Variants in FAM114A2 observed in about 807,000 individuals in gnomAD.
FAM114A2 encodes protein FAM114A2.
Under a neutral mutation model 58.4 loss-of-function variants are expected in FAM114A2, and 53 were observed. The ratio of observed to expected loss-of-function variants is 0.91; its 90% CI spans 0.73 to 1.14. FAM114A2 has a LOEUF of 1.14. Among genes scored for constraint, FAM114A2 ranks in the 50% most tolerant of loss-of-function variants. The pLI, the probability that FAM114A2 is intolerant of heterozygous loss-of-function variation, is 0.00. For missense variants in FAM114A2, 601 were observed against 581.1 expected, an observed-to-expected ratio of 1.03 and a Z score of -0.35; for synonymous variants, 228 against 211.4, an observed-to-expected ratio of 1.08 and a Z score of -0.68.
Position 153,997,819 on chromosome 5 carries a change from C to T in FAM114A2, c.1313G>A (p.Cys438Tyr). 6.3e-7 allele frequency: 1 copy of T among 1,588,628 alleles called. No homozygotes were observed. The highest frequency in any genetic ancestry group is 8.6e-7 in the Non-Finnish European group (1 of 1,157,064). ...LSSLSKEFTT[C>Y]LTTAGVKEMA... ...GATTCTTACCCCAGCAGTTGTTAGG[C>T]AGGTAGTGAACTCTTTAGACAGAGA... is the stretch of plus-strand genomic sequence containing the variant. Residue 438 changes from cysteine to tyrosine, a missense_variant, in exon 12 of 14, where the codon TGC (cysteine) becomes TAC (tyrosine). Cys to Tyr is a radical substitution (Grantham distance 194). Transcript: ENST00000351797.
In FAM114A2 at chr5:154,027,217, G is replaced by T. The variant is rs2113453955; in HGVS notation, c.748C>A (p.Leu250Ile). Reference sequence around the variant, plus strand: ...TGGGAAAGCATCTCCAGAGCTTCTAGATGTGAAAGGCCTTGAAATTCATCA... The same window carrying T: ...TGGGAAAGCATCTCCAGAGCTTCTATATGTGAAAGGCCTTGAAATTCATCA... ...LFDEFQGLSH[L>I]EALEMLSQES... is the part of the protein sequence containing the mutation. Residue 250 changes from leucine (L) to isoleucine (I), a missense_variant, in exon 7 of 14, where the codon CTA becomes ATA. Transcript: ENST00000351797. 2 of 1,613,438 alleles carry T rather than the reference G, an allele frequency of 1.2e-6. No homozygotes were observed. The highest frequency in any genetic ancestry group is 4.5e-5 in the East Asian group (2 of 44,852).
chr5:153,999,432 T>G (rs972092882), intron 11 of FAM114A2, among the ~76,000 whole-genome samples: 4 of 152,128 alleles, frequency 2.6e-5, no homozygotes, highest in African/African-American at 9.7e-5. Flanking sequence ...GGTCAGGAGT[T>G]TGAGACCAGC....
intron 11 of FAM114A2, among the ~76,000 whole-genome samples, chr5:154,000,078 T>C (rs942715015): frequency 2.0e-5 from 3 of 151,908 alleles, no homozygotes; most frequent in Non-Finnish European, 4.4e-5. Context: ...CGAGGTTAAG[T>C]GAAATAAGCC....
intron 4 of FAM114A2, among the ~76,000 whole-genome samples, chr5:154,030,376 C>CTTCCAGCA (rs1561575146): frequency 6.6e-6 from 1 of 152,218 alleles, no homozygotes; most frequent in East Asian, 1.9e-4. Flanking sequence ...AGGACTTCCA[C>CTTCCAGCA]TTCTAGCATG....
At chr5:153,994,367 C>A (rs899571881) in intron 13 of FAM114A2, among the ~76,000 whole-genome samples, 1 of 152,084 alleles carries the variant, frequency 6.6e-6, no homozygotes, top group Non-Finnish European at 1.5e-5. Flanking sequence ...AACATGGAAT[C>A]CAGAAAACAT....
At chr5:154,003,177 G>GCTTTTTTTTTTTTTTT (rs369892098) in intron 9 of FAM114A2, among the ~76,000 whole-genome samples, 3 of 134,882 alleles carry the variant, frequency 2.2e-5, no homozygotes, top group African/African-American at 2.7e-5. Context: ...CTAATTGGTA[G>GCTTTTTTTTTTTTTTT]TATTTTTTTT....
intron 8 of FAM114A2, among the ~76,000 whole-genome samples, chr5:154,011,928 A>G (rs1486533201): frequency 2.0e-5 from 3 of 152,204 alleles, no homozygotes; most frequent in African/African-American, 7.2e-5. Flanking sequence ...TAAGATCCAG[A>G]TAATAAAGGC....
chr5:154,014,116 C>CT (rs1239576384), intron 8 of FAM114A2, among the ~76,000 whole-genome samples: 1 of 152,172 alleles, frequency 6.6e-6, no homozygotes, highest in Non-Finnish European at 1.5e-5. Context: ...CTCAAGGCAG[C>CT]TTTAGAAACT....
chr5:154,013,747 G>A (rs1770847845), intron 8 of FAM114A2, among the ~76,000 whole-genome samples: 1 of 152,148 alleles, frequency 6.6e-6, no homozygotes, highest in Admixed American at 6.5e-5. Context: ...GGCTTGATTA[G>A]GAAATTAGGA....
intron 8 of FAM114A2, among the ~76,000 whole-genome samples, chr5:154,013,638 G>C (rs1770840985): frequency 6.6e-6 from 1 of 152,172 alleles, no homozygotes; most frequent in Admixed American, 6.5e-5. Context: ...TGAGATTTCT[G>C]ATTACTATGC....
chr5:154,031,620 T>C (rs1366664267), intron 4 of FAM114A2, among the ~76,000 whole-genome samples: 2 of 152,190 alleles, frequency 1.3e-5, no homozygotes, highest in African/African-American at 4.8e-5. Context: ...AAACTCTTTA[T>C]TAAACTAAAA....
At chr5:154,023,093 A>G (rs757314867) in intron 8 of FAM114A2, among the ~76,000 whole-genome samples, 3 of 151,910 alleles carry the variant, frequency 2.0e-5, no homozygotes, top group Non-Finnish European at 4.4e-5. Context: ...CAATGAGAAC[A>G]CTTGGACACA....
At position 154,026,540 on chromosome 5, in the gene FAM114A2, C is replaced by A. The variant is rs772605108; in HGVS notation, c.790-18G>T. On this transcript the variant is annotated intron_variant, in intron 7 of 13. Coordinates refer to ENST00000351797, the MANE Select transcript of FAM114A2 (RefSeq NM_018691.4). ...GATTTCACCTGAATGGATACAAGAA[C>A]AAAATGTTGTAGGAGTATGAAAGAA... 1 of 1,450,648 alleles carries A rather than the reference C, an allele frequency of 6.9e-7. No homozygotes were observed. The highest frequency in any genetic ancestry group is 9.1e-7 in the Non-Finnish European group (1 of 1,095,432). The allele number at this position is 1,450,648 out of a possible 1,614,324, so 89.9% of individuals were successfully genotyped here.
chr5:154,026,883 A>C, intron 7 of FAM114A2, among the ~76,000 whole-genome samples: 1 of 148,690 alleles, frequency 6.7e-6, no homozygotes, highest in Non-Finnish European at 1.5e-5. Flanking sequence ...AAAGAAACTA[A>C]AAAAAAAAAA....
At chr5:154,010,613 A>G (rs1770628102) in intron 9 of FAM114A2, among the ~76,000 whole-genome samples, 1 of 152,192 alleles carries the variant, frequency 6.6e-6, no homozygotes, top group Non-Finnish European at 1.5e-5. Context: ...AGAGGTAGCA[A>G]GCAATCCATG....
intron 1 of FAM114A2, among the ~76,000 whole-genome samples, chr5:154,035,336 C>A (rs1581845186): frequency 6.6e-6 from 1 of 152,134 alleles, no homozygotes; most frequent in Non-Finnish European, 1.5e-5. Context: ...TAGCCATAAC[C>A]ACTTCCGACA....
At chr5:154,012,679 T>C (rs1770777298) in intron 8 of FAM114A2, among the ~76,000 whole-genome samples, 1 of 152,182 alleles carries the variant, frequency 6.6e-6, no homozygotes, top group African/African-American at 2.4e-5. Flanking sequence ...ATCTCAGGTA[T>C]AATAAGGTTT....
chr5:154,002,170 G>C (rs1770017129), intron 11 of FAM114A2, 81 bp downstream of exon 11: 2 of 1,333,068 alleles, frequency 1.5e-6, no homozygotes, highest in Admixed American at 1.7e-5. Flanking sequence ...TTTCTTGAGA[G>C]AGACGTTTAT....
intron 10 of FAM114A2, 76 bp downstream of exon 10, chr5:154,002,771 A>G: frequency 6.8e-6 from 10 of 1,473,936 alleles, no homozygotes; most frequent in Non-Finnish European, 9.4e-6. Flanking sequence ...GTGTAAAAAT[A>G]GGAGCCTGGG....
Sources: allele counts gnomAD v4.1 joint callset (sites outside exome capture counted in the v4.1 genomes callset), GRCh38; gene constraint gnomAD v4.1.1; transcripts MANE v1.5; gene names NCBI Gene and HGNC (gene_info 2026-07-23, HGNC 2026-07-21).